FAM114A1: variants seen among roughly 807,000 people sequenced by gnomAD.
FAM114A1 encodes the protein protein NOXP20.
FAM114A1 carries 62 observed loss-of-function variants against 64.3 expected under a neutral mutation model. The ratio of observed to expected loss-of-function variants is 0.96; its 90% CI spans 0.79 to 1.19. FAM114A1 has a LOEUF of 1.19. FAM114A1 is among the 50% of genes most tolerant of loss of function. FAM114A1 has a pLI of 0.00. For missense variants in FAM114A1, 645 were observed against 676.3 expected (o/e 0.95, Z 0.51); for synonymous variants, 254 against 251.1 (o/e 1.01, Z -0.11).
intron 7 of FAM114A1, among the ~76,000 whole-genome samples, chr4:38,913,293 TA>T (rs1286245006): frequency 6.6e-6 from 1 of 152,216 alleles, no homozygotes; most frequent in Non-Finnish European, 1.5e-5. Flanking sequence ...TCTTTTTGCT[TA>T]ACCAACAAAA....
At chr4:38,877,990 A>G (rs1047266254) in intron 2 of FAM114A1, 81 bp from the exon 3 acceptor site, 1 of 1,225,016 alleles carries the variant, frequency 8.2e-7, no homozygotes, top group Non-Finnish European at 1.1e-6. Context: ...GTTTTCCCCT[A>G]CCAGATTTAT....
chr4:38,910,200 C>T (rs2109697113), intron 7 of FAM114A1, among the ~76,000 whole-genome samples: 1 of 151,520 alleles, frequency 6.6e-6, no homozygotes, highest in Non-Finnish European at 1.5e-5. Context: ...GATTGTGCCA[C>T]TGCACTCTAG....
Position 38,919,475 on chromosome 4 carries a change from C to A in FAM114A1, c.946-3295C>A, listed in dbSNP as rs1028584325. Among the ~76,000 whole-genome samples, 4 of 152,310 alleles carry A rather than the reference C, an allele frequency of 2.6e-5. No individual in the cohort carries two copies. In the South Asian group the frequency reaches 6.2e-4, roughly 24 times the overall value. The stretch of plus-strand genomic sequence containing the variant: ...GGGATACACAGCCAGTGGCACCATC[C>A]CACTGTCAGGAGCACAGCCTAGGGA... On this transcript the variant is annotated intron_variant, in intron 8 of 14. Transcript: ENST00000358869.
intron 8 of FAM114A1, among the ~76,000 whole-genome samples, chr4:38,917,496 C>A (rs1373026510): frequency 6.6e-6 from 1 of 152,150 alleles, no homozygotes; most frequent in East Asian, 1.9e-4. Context: ...ATGAGATAAT[C>A]CATGGAAAGC....
intron 8 of FAM114A1, among the ~76,000 whole-genome samples, chr4:38,918,602 A>C (rs1273063031): frequency 6.6e-6 from 1 of 152,228 alleles, no homozygotes; most frequent in Non-Finnish European, 1.5e-5. Flanking sequence ...TCTGAAATTC[A>C]AGCTTAGCTA....
chr4:38,885,597 A>G (rs1465566867), intron 3 of FAM114A1, among the ~76,000 whole-genome samples: 2 of 152,130 alleles, frequency 1.3e-5, no homozygotes, highest in Non-Finnish European at 2.9e-5. Flanking sequence ...CTTTATTTTT[A>G]CCATCTAGAA....
chr4:38,884,674 G>A (rs1011256807), intron 3 of FAM114A1, among the ~76,000 whole-genome samples: 5 of 152,224 alleles, frequency 3.3e-5, no homozygotes, highest in Admixed American at 1.3e-4. Flanking sequence ...TAACAAGAGA[G>A]TTGAAAATGG....
At chr4:38,899,110 T>C (rs917921733) in intron 4 of FAM114A1, among the ~76,000 whole-genome samples, 1 of 151,762 alleles carries the variant, frequency 6.6e-6, no homozygotes, top group Admixed American at 6.6e-5. Flanking sequence ...TAGATCAGTT[T>C]TCTAGGTTGG....
chr4:38,868,023 C>A, intron 1 of FAM114A1, 189 bp downstream of exon 1: 1 of 420,820 alleles, frequency 2.4e-6, no homozygotes, highest in Non-Finnish European at 4.8e-6. Flanking sequence ...TCTGGGGCGG[C>A]GCGGCCGAGG....
intron 8 of FAM114A1, 90 bp from the exon 9 acceptor site, chr4:38,922,680 T>C (rs1025167167): frequency 2.0e-6 from 3 of 1,492,760 alleles, no homozygotes; most frequent in Non-Finnish European, 2.7e-6. Flanking sequence ...ATGAATCACT[T>C]TTGTCCTGGG....
At chr4:38,943,316 G>T in intron 14 of FAM114A1, 140 bp from the exon 15 acceptor site, 1 of 660,814 alleles carries the variant, frequency 1.5e-6, no homozygotes, top group African/African-American at 1.8e-5. Context: ...GTTTACACTT[G>T]CTTTAAGCAC....
At chr4:38,936,548 ATT>A (rs761417840) in intron 13 of FAM114A1, among the ~76,000 whole-genome samples, 96 of 110,288 alleles carry the variant, frequency 8.7e-4, no homozygotes, top group African/African-American at 3.2e-3. Flanking sequence ...AAGAGTTTTC[ATT>A]TTTTTTTTTT....
At position 38,944,801 on chromosome 4, in the gene FAM114A1, G is replaced by C. The variant is rs1721843870; in HGVS notation, c.*1244G>C. On this transcript the variant is annotated 3_prime_UTR_variant, in exon 15 of 15. Coordinates refer to ENST00000358869, the MANE Select transcript of FAM114A1 (RefSeq NM_138389.4). ...ATGATCTGAGGTTGAATAGCTTCGT[G>C]CCGAAACCATCCCCCACCCCCATCC... The C allele has an allele frequency of 6.6e-6, 1 of 151,694 alleles. No homozygotes were observed. Among genetic ancestry groups the C allele is most frequent in the Non-Finnish European group, 1.5e-5 (1 of 67,954 alleles). The allele number at this position is 151,694 out of a possible 1,614,324, so 9.4% of individuals were successfully genotyped here.
At chr4:38,922,929 T>C (rs1404810212) in intron 9 of FAM114A1, 36 bp downstream of exon 9, 1 of 1,589,998 alleles carries the variant, frequency 6.3e-7, no homozygotes, top group Non-Finnish European at 8.5e-7. Flanking sequence ...AGACAAACTG[T>C]TGGCATAATC....
At chr4:38,928,299 C>T (rs966782438) in intron 9 of FAM114A1, among the ~76,000 whole-genome samples, 51 of 152,184 alleles carry the variant, frequency 3.4e-4, no homozygotes, top group African/African-American at 1.2e-3. Flanking sequence ...TGCCTTTATT[C>T]TCCCCCAAAC....
chr4:38,911,094 A>T (rs1313106882), intron 7 of FAM114A1, among the ~76,000 whole-genome samples: 1 of 152,166 alleles, frequency 6.6e-6, no homozygotes, highest in Non-Finnish European at 1.5e-5. Context: ...AGACACCAAG[A>T]TGGGCTTAAA....
chr4:38,908,662 C>T lies in FAM114A1; in HGVS notation c.728C>T (p.Ala243Val), dbSNP rs781583636. 24 of 1,613,380 alleles carry T rather than the reference C, an allele frequency of 1.5e-5. No homozygotes were observed. The highest frequency in any genetic ancestry group is 1.9e-5 in the Non-Finnish European group (23 of 1,179,496). The change falls in exon 7 of 15, where the codon GCA becomes GTA. Residue 243 changes from alanine (A) to valine (V), a missense_variant. Coordinates refer to ENST00000358869, the MANE Select transcript of FAM114A1 (RefSeq NM_138389.4). ...FIGKKTMNVL[A>V]ESDPGFKRTK... ...GGCAAGAAAACCATGAATGTCCTTG[C>T]AGAAAGTGACCCGGGCTTTAAGCGG... is the stretch of plus-strand genomic sequence containing the variant.
At chr4:38,932,440 A>G in intron 12 of FAM114A1, 66 bp downstream of exon 12, 2 of 1,434,170 alleles carry the variant, frequency 1.4e-6, no homozygotes, top group Non-Finnish European at 1.9e-6. Flanking sequence ...TCAGATACAC[A>G]CATACACACC....
At chr4:38,932,195 G>T (rs767735026) in intron 11 of FAM114A1, 40 bp from the exon 12 acceptor site, 3 of 1,562,914 alleles carry the variant, frequency 1.9e-6, no homozygotes, top group Non-Finnish European at 2.6e-6. Context: ...AAAAGCATCT[G>T]CTCAGTAAAA....
Sources: gnomAD v4.1 joint callset for allele counts (sites outside exome capture counted in the v4.1 genomes callset) on GRCh38, gnomAD v4.1.1 for gene constraint, MANE v1.5 for transcripts, NCBI Gene and HGNC (gene_info 2026-07-23, HGNC 2026-07-21) for gene names.